The following GPC3 variants were observed in gnomAD, a reference collection of about 807,000 sequenced individuals.
The protein encoded by GPC3 is glypican 3.
GPC3 carries 3 observed loss-of-function variants against 34.4 expected under a neutral mutation model. The observed-to-expected ratio is 0.09, with a 90% CI of 0.04 to 0.23. The LOEUF (loss-of-function observed/expected upper bound fraction) is 0.23. GPC3 is among the 10% of genes least tolerant of loss of function. The pLI is 1.00. For synonymous variants in GPC3, 177 were observed against 174.0 expected (o/e 1.02, Z -0.13); for missense variants, 351 against 445.6 (o/e 0.79, Z 1.91).
intron 3 of GPC3, among the ~76,000 whole-genome samples, chrX:133,710,449 C>T (rs908874617): frequency 8.9e-6 from 1 of 112,152 alleles, no homozygotes; most frequent in Non-Finnish European, 1.9e-5. Context: ...TAATGTCTCC[C>T]CCAACCAGAT....
At chrX:133,743,720 C>T (rs1252880808) in intron 3 of GPC3, among the ~76,000 whole-genome samples, 1 of 112,311 alleles carries the variant, frequency 8.9e-6, no homozygotes, top group Non-Finnish European at 1.9e-5. Context: ...TACTCTGATT[C>T]CCTAGCCACT....
intron 2 of GPC3, among the ~76,000 whole-genome samples, chrX:133,815,436 A>G (rs1465462410): frequency 9.1e-6 from 1 of 109,994 alleles, no homozygotes; most frequent in Admixed American, 9.7e-5. Context: ...GTAGAGCACT[A>G]GTTTCATTTA....
In GPC3 at chrX:133,953,953, G is replaced by A. The variant is rs756052094; in HGVS notation, c.176-742C>T. 3.6e-5 allele frequency among the ~76,000 whole-genome samples: 4 copies of A among 112,299 alleles called. No individual in the cohort carries two copies. In the South Asian group the frequency reaches 1.5e-3, roughly 41 times the overall value. ...AGTAAGGAAAGGAAAACAAACTGTG[G>A]TATATCTATAAAATGGAATTCTATT... On this transcript the variant is annotated intron_variant, in intron 1 of 7. Coordinates refer to ENST00000370818, the MANE Select transcript of GPC3 (RefSeq NM_004484.4).
chrX:133,737,111 T>A (rs1324354702), intron 3 of GPC3, among the ~76,000 whole-genome samples: 3 of 112,359 alleles, frequency 2.7e-5, no homozygotes, highest in African/African-American at 9.7e-5. Context: ...GAAGCTAATG[T>A]GAAAATAGTA....
intron 7 of GPC3, among the ~76,000 whole-genome samples, chrX:133,577,689 G>T: frequency 8.9e-6 from 1 of 112,261 alleles, no homozygotes; most frequent in Non-Finnish European, 1.9e-5. Flanking sequence ...GGACAGGCTT[G>T]TTTTAATTCC....
chrX:133,949,386 T>A (rs184876894), intron 2 of GPC3, among the ~76,000 whole-genome samples: 1 of 111,411 alleles, frequency 9.0e-6, no homozygotes, highest in African/African-American at 3.3e-5. Flanking sequence ...ATTTAGTGAG[T>A]TCTTGGATCC....
intron 2 of GPC3, among the ~76,000 whole-genome samples, chrX:133,898,245 CAAAAT>C (rs767825495): frequency 9.0e-6 from 1 of 111,696 alleles, no homozygotes; most frequent in East Asian, 2.8e-4. Flanking sequence ...GGTTAAAACA[CAAAAT>C]AAACTCTGTA....
intron 7 of GPC3, among the ~76,000 whole-genome samples, chrX:133,539,443 CTGTT>C (rs1233970859): frequency 8.9e-6 from 1 of 112,614 alleles, no homozygotes; most frequent in East Asian, 2.8e-4. Flanking sequence ...AGCAAAGTCA[CTGTT>C]TGCACATAAA....
intron 2 of GPC3, among the ~76,000 whole-genome samples, chrX:133,900,167 T>G (rs930306962): frequency 8.9e-6 from 1 of 112,568 alleles, no homozygotes; most frequent in Non-Finnish European, 1.9e-5. Context: ...ACAGGCCAAC[T>G]GGCCTATAGG....
At chrX:133,668,294 T>C (rs1260705206) in intron 5 of GPC3, among the ~76,000 whole-genome samples, 1 of 111,721 alleles carries the variant, frequency 9.0e-6, no homozygotes, top group Admixed American at 9.5e-5. Flanking sequence ...GAATGTAAAT[T>C]ATCAGTTGTA....
intron 5 of GPC3, among the ~76,000 whole-genome samples, chrX:133,687,534 C>T (rs1407309320): frequency 3.7e-5 from 4 of 107,228 alleles, no homozygotes; most frequent in Non-Finnish European, 7.7e-5. Context: ...GATTCTCCTA[C>T]CTCAGCCTCC....
chrX:133,579,630 ACCTCCTGGGCT>A, intron 7 of GPC3, among the ~76,000 whole-genome samples: 1 of 111,769 alleles, frequency 8.9e-6, no homozygotes, highest in Middle Eastern at 4.6e-3. Flanking sequence ...TGCACCCTTA[ACCTCCTGGGCT>A]CAAGCGATCC....
chrX:133,924,823 A>C (rs2076268339), intron 2 of GPC3, among the ~76,000 whole-genome samples: 1 of 111,590 alleles, frequency 9.0e-6, no homozygotes, highest in African/African-American at 3.3e-5. Context: ...GTTCTGAATG[A>C]ATGGGAAGGA....
chrX:133,624,423 A>G (rs141331595), intron 6 of GPC3, among the ~76,000 whole-genome samples: 1,814 of 111,834 alleles, frequency 0.016, 19 homozygotes, highest in Admixed American at 0.023. Context: ...CAAGACTAAT[A>G]AAGAAGAAAA....
chrX:133,815,574 A>T (rs1374360017), intron 2 of GPC3, among the ~76,000 whole-genome samples: 1 of 112,175 alleles, frequency 8.9e-6, no homozygotes, highest in Non-Finnish European at 1.9e-5. Context: ...AACTAAAAAA[A>T]CTAAAAAAAC....
At chrX:133,580,922 A>G (rs1275945856) in intron 7 of GPC3, among the ~76,000 whole-genome samples, 4 of 111,790 alleles carry the variant, frequency 3.6e-5, no homozygotes, top group Non-Finnish European at 5.6e-5. Flanking sequence ...TTTCCTCCCA[A>G]CCTCTGCCCA....
chrX:133,715,653 A>G (rs1247103887), intron 3 of GPC3, among the ~76,000 whole-genome samples: 4 of 111,384 alleles, frequency 3.6e-5, no homozygotes, highest in East Asian at 2.8e-4. Context: ...GCTGAACTCA[A>G]TTAGAGGTAA....
chrX:133,753,485 G>A lies in GPC3; in HGVS notation c.1029C>T (p.Thr343=), dbSNP rs890143711. 1.2e-5 allele frequency: 14 copies of A among 1,200,897 alleles called. No individual in the cohort carries two copies. In the East Asian group the frequency reaches 4.1e-4, roughly 36 times the overall value. ...ACAACTGTAGACTGGTACTCACAGTGGTGGTCAGCTTTCCTGCATTCTTCT... is the reference window on the plus strand; with the variant it reads ...ACAACTGTAGACTGGTACTCACAGTAGTGGTCAGCTTTCCTGCATTCTTCT... ...YVQKNAGKLT[T]TIGKLCAHSQ... is the part of the protein sequence containing the mutation. Residue 343 remains threonine (T), a synonymous_variant, in exon 3 of 8, where the codon ACC becomes ACT. Transcript: ENST00000370818.
chrX:133,574,516 G>C (rs190803413), intron 7 of GPC3, among the ~76,000 whole-genome samples: 52 of 112,196 alleles, frequency 4.6e-4, no homozygotes, highest in Middle Eastern at 9.1e-3. Context: ...AGTTATTTCA[G>C]TCTTTCTGGT....
Sources: gnomAD v4.1 joint callset for allele counts (sites outside exome capture counted in the v4.1 genomes callset) on GRCh38, gnomAD v4.1.1 for gene constraint, MANE v1.5 for transcripts, NCBI Gene and HGNC (gene_info 2026-07-23, HGNC 2026-07-21) for gene names.